RPH3A: variants seen among roughly 807,000 people sequenced by gnomAD.
RPH3A encodes rabphilin-3A.
A neutral mutation model predicts 102.2 loss-of-function variants in RPH3A; 48 were observed. The observed-to-expected ratio is 0.47, with a 90% CI of 0.37 to 0.60. The LOEUF is 0.60. Among genes scored for constraint, RPH3A ranks in the 20% least tolerant of loss-of-function variants. RPH3A has a pLI of 0.00. For synonymous variants in RPH3A, 310 were observed against 324.3 expected, an observed-to-expected ratio of 0.96 and a Z score of 0.47; for missense variants, 781 against 910.1, an observed-to-expected ratio of 0.86 and a Z score of 1.83.
intron 2 of RPH3A, among the ~76,000 whole-genome samples, chr12:112,827,490 T>C (rs1003115120): frequency 7.2e-5 from 11 of 152,206 alleles, no homozygotes; most frequent in African/African-American, 2.4e-4. Flanking sequence ...GTGGTTATTA[T>C]GAATAATGAA....
chr12:112,576,434 G>T (rs2039359407), intron 1 of RPH3A, among the ~76,000 whole-genome samples: 1 of 152,198 alleles, frequency 6.6e-6, no homozygotes, highest in Non-Finnish European at 1.5e-5. Flanking sequence ...GGCCAGGCTG[G>T]TCTCAAACTC....
chr12:112,894,631 A>T lies in RPH3A; in HGVS notation c.1829A>T (p.Lys610Met). 1 of 1,614,000 alleles carries T rather than the reference A, an allele frequency of 6.2e-7. No homozygotes were observed. ...KKAKHKTQIK[K>M]KTLNPEFNEE... The stretch of plus-strand genomic sequence containing the variant: ...GCCAAACACAAGACTCAAATTAAAA[A>T]GAAAACCTTGAATCCCGAATTCAAT... The change falls in exon 20 of 22, where the codon AAG becomes ATG. Residue 610 changes from lysine to methionine, a missense_variant. Physicochemically the swap from Lys to Met is moderately conservative, Grantham distance 95. Around this residue, in one of 2 missense-constraint regions of RPH3A, gnomAD observed 730 missense variants for 810.0 expected, o/e 0.90. Coordinates refer to ENST00000389385, the MANE Select transcript of RPH3A (RefSeq NM_001143854.2).
Position 112,895,508 on chromosome 12 carries a change from G to A in RPH3A, c.1858-269G>A. On this transcript the variant is annotated intron_variant, in intron 20 of 21. Transcript: ENST00000389385. ...GCCATTTACCTACAAGGAAACTTGAGCTCTATTAGAAAAACCTCACCAGCC... is the reference window on the plus strand; with the variant it reads ...GCCATTTACCTACAAGGAAACTTGAACTCTATTAGAAAAACCTCACCAGCC... The A allele has an allele frequency of 5.2e-6, 2 of 381,796 alleles. 1 individual carries two copies. The highest frequency in any genetic ancestry group is 1.2e-4 in the South Asian group (2 of 17,054). 23.7% of individuals were successfully genotyped at this position (381,796 alleles called of 1,614,324 possible).
rs58229294 is a variant in RPH3A at position 112,755,298 on chromosome 12, TACACACACACACACAC to T, written c.-139-36819_-139-36804del. On this transcript the variant is annotated intron_variant, in intron 1 of 21. Coordinates refer to the RPH3A transcript ENST00000543106. ...GTAAAATTGAATATATATATGTATA[TACACACACACACACAC>T]ACACACACACACACACACACACACA... is the stretch of plus-strand genomic sequence containing the variant. Among the ~76,000 whole-genome samples the T allele has an allele frequency of 5.5e-4, 80 of 145,886 alleles. 1 individual carries two copies. Among genetic ancestry groups the T allele is most frequent in the African/African-American group, 1.9e-3 (72 of 38,836 alleles).
chr12:112,846,669 T>G (rs1484463844), intron 4 of RPH3A, among the ~76,000 whole-genome samples: 1 of 152,206 alleles, frequency 6.6e-6, no homozygotes, highest in African/African-American at 2.4e-5. Context: ...GAGTTCCTGA[T>G]TTTTCTCCCT....
intron 1 of RPH3A, among the ~76,000 whole-genome samples, chr12:112,760,360 T>A (rs1222741326): frequency 6.6e-6 from 1 of 152,188 alleles, no homozygotes; most frequent in Non-Finnish European, 1.5e-5. Context: ...TATAGTGATA[T>A]ATAGGAAGTC....
intron 1 of RPH3A, among the ~76,000 whole-genome samples, chr12:112,647,960 G>C (rs1452387895): frequency 6.6e-6 from 1 of 152,164 alleles, no homozygotes; most frequent in East Asian, 1.9e-4. Context: ...TAGAATATAA[G>C]ACTCATTTTG....
intron 1 of RPH3A, among the ~76,000 whole-genome samples, chr12:112,659,642 G>A (rs1214857815): frequency 6.6e-6 from 1 of 152,098 alleles, no homozygotes. Context: ...CTATTTTGTG[G>A]GAGATACTTT....
chr12:112,722,713 T>A (rs2040559488), intron 1 of RPH3A, among the ~76,000 whole-genome samples: 1 of 152,170 alleles, frequency 6.6e-6, no homozygotes, highest in Non-Finnish European at 1.5e-5. Flanking sequence ...AATGTAGATG[T>A]TGTGGTTGGG....
At chr12:112,578,346 C>A (rs1383529428) in intron 1 of RPH3A, among the ~76,000 whole-genome samples, 3 of 152,118 alleles carry the variant, frequency 2.0e-5, no homozygotes, top group Non-Finnish European at 2.9e-5. Context: ...CTGACTTCAC[C>A]TTTTGCTAGG....
chr12:112,627,900 G>T (rs1365074750), intron 1 of RPH3A, among the ~76,000 whole-genome samples: 1 of 151,326 alleles, frequency 6.6e-6, no homozygotes, highest in Non-Finnish European at 1.5e-5. Context: ...AAGCATGGCT[G>T]GGGAAGCCTC....
intron 5 of RPH3A, among the ~76,000 whole-genome samples, chr12:112,849,656 T>G (rs1230695849): frequency 6.6e-6 from 1 of 152,226 alleles, no homozygotes; most frequent in Non-Finnish European, 1.5e-5. Flanking sequence ...GGTAGGTATT[T>G]TTGCCGGTTT....
chr12:112,641,690 G>A (rs2039892061), intron 1 of RPH3A, among the ~76,000 whole-genome samples: 1 of 152,186 alleles, frequency 6.6e-6, no homozygotes. Flanking sequence ...GAGCCACCGT[G>A]CCCAGCTGAA....
chr12:112,724,737 G>T (rs1449010532), intron 1 of RPH3A, among the ~76,000 whole-genome samples: 1 of 152,154 alleles, frequency 6.6e-6, no homozygotes, highest in African/African-American at 2.4e-5. Flanking sequence ...GGGAGGCTGA[G>T]CTGGGTGGAT....
At chr12:112,804,694 C>G (rs1286481181) in intron 2 of RPH3A, among the ~76,000 whole-genome samples, 2 of 152,174 alleles carry the variant, frequency 1.3e-5, no homozygotes, top group Non-Finnish European at 2.9e-5. Context: ...CCACAGCCCC[C>G]CGTACTTCAG....
chr12:112,601,791 G>T (rs1350217097), intron 1 of RPH3A, among the ~76,000 whole-genome samples: 1 of 152,026 alleles, frequency 6.6e-6, no homozygotes, highest in African/African-American at 2.4e-5. Flanking sequence ...AATTAGCCAG[G>T]TGTAGTGGCA....
chr12:112,837,544 C>T lies in RPH3A; in HGVS notation c.83+1042C>T, dbSNP rs1448308571. Among the ~76,000 whole-genome samples the T allele has an allele frequency of 2.0e-5, 3 of 152,198 alleles. No homozygotes were observed. In the East Asian group the frequency reaches 5.8e-4, roughly 29 times the overall value. ...AAATTCTTCTCCCTGCCCTGTGCCT[C>T]AGTTTCTCCATCTGTCAGGTGAGAG... is the stretch of plus-strand genomic sequence containing the variant. On this transcript the variant is annotated intron_variant, in intron 4 of 21. Coordinates refer to ENST00000389385, the MANE Select transcript of RPH3A (RefSeq NM_001143854.2).
At chr12:112,878,882 A>G (rs1040662769) in intron 13 of RPH3A, among the ~76,000 whole-genome samples, 2 of 152,246 alleles carry the variant, frequency 1.3e-5, no homozygotes, top group African/African-American at 4.8e-5. Flanking sequence ...TCAATCTATC[A>G]GGACAGAAAG....
intron 1 of RPH3A, among the ~76,000 whole-genome samples, chr12:112,734,424 C>T (rs182728557): frequency 6.6e-6 from 1 of 152,194 alleles, no homozygotes; most frequent in African/African-American, 2.4e-5. Context: ...CCCATCATTA[C>T]GTGACGTGTG....
Sources: allele counts gnomAD v4.1 joint callset (sites outside exome capture counted in the v4.1 genomes callset), GRCh38; gene constraint gnomAD v4.1.1; regional missense constraint gnomAD v4.1.1; transcripts MANE v1.5; gene names NCBI Gene and HGNC (gene_info 2026-07-23, HGNC 2026-07-21).